Variants in NINL observed in about 807,000 individuals in gnomAD.
NINL encodes the protein ninein like, also known as ninein-like protein.
A neutral mutation model predicts 160.3 loss-of-function variants in NINL; 153 were observed. The observed-to-expected ratio is 0.95, with a 90% CI of 0.84 to 1.09. The LOEUF (loss-of-function observed/expected upper bound fraction) is 1.09, where lower values mean the gene tolerates loss of function less well. Ranked by LOEUF, NINL falls within the 50% of genes least tolerant of loss-of-function variation. The pLI is 0.00. For missense variants in NINL, 1,829 were observed against 1,764.0 expected, an observed-to-expected ratio of 1.04 and a Z score of -0.66; for synonymous variants, 800 against 734.8, an observed-to-expected ratio of 1.09 and a Z score of -1.43.
chr20:25,533,518 GA>G (rs2064503452), intron 1 of NINL, among the ~76,000 whole-genome samples: 1 of 151,888 alleles, frequency 6.6e-6, no homozygotes, highest in South Asian at 2.1e-4. Context: ...AAATGAGAGA[GA>G]AAAAAAGGGA....
intron 17 of NINL, among the ~76,000 whole-genome samples, chr20:25,473,152 A>T (rs2063145584): frequency 6.6e-6 from 1 of 152,194 alleles, no homozygotes; most frequent in South Asian, 2.1e-4. Context: ...GTACAAAAAC[A>T]AGCAAACTGA....
intron 1 of NINL, among the ~76,000 whole-genome samples, chr20:25,568,310 G>A (rs1403296034): frequency 6.6e-6 from 1 of 151,098 alleles, no homozygotes; most frequent in Admixed American, 6.6e-5. Context: ...GGCATAATAG[G>A]ATAATAAACT....
chr20:25,517,773 T>C lies in NINL; in HGVS notation c.257A>G (p.Asp86Gly). 2 of 1,603,326 alleles carry C rather than the reference T, an allele frequency of 1.2e-6. No individual in the cohort carries two copies. The highest frequency in any genetic ancestry group is 1.7e-6 in the Non-Finnish European group (2 of 1,177,156). Residue 86 changes from aspartate (D) to glycine (G), a missense_variant, in exon 3 of 24, where the codon GAC (aspartate) becomes GGC (glycine). Coordinates refer to ENST00000278886, the MANE Select transcript of NINL (RefSeq NM_025176.6). ...CTTACCTGATTCCAAAGAACTACTG[T>C]CTTCATCTGAGGGGCGAACACCAGC... ...SNAGVRPSDE[D>G]SSSLESAASS...
chr20:25,467,302 A>T, intron 19 of NINL, 87 bp downstream of exon 19: 1 of 1,162,618 alleles, frequency 8.6e-7, no homozygotes, highest in Non-Finnish European at 1.3e-6. Flanking sequence ...AATATTCTCT[A>T]CTTCCTTTTG....
At chr20:25,561,356 T>A (rs1243515111) in intron 1 of NINL, among the ~76,000 whole-genome samples, 1 of 152,166 alleles carries the variant, frequency 6.6e-6, no homozygotes, top group African/African-American at 2.4e-5. Flanking sequence ...GTGCCCAGGC[T>A]GGAGTGCAGT....
At position 25,458,399 on chromosome 20, in the gene NINL, C is replaced by T. The variant is rs143288551; in HGVS notation, c.3827G>A (p.Arg1276His). 1.2e-5 allele frequency: 20 copies of T among 1,606,494 alleles called. No homozygotes were observed. Among genetic ancestry groups the T allele is most frequent in the South Asian group, 8.8e-5 (8 of 91,008 alleles). Residue 1276 changes from arginine to histidine, a missense_variant, in exon 22 of 24, where the codon CGC becomes CAC. Coordinates refer to ENST00000278886, the MANE Select transcript of NINL (RefSeq NM_025176.6). The stretch of plus-strand genomic sequence containing the variant: ...CCCACTTACCCGCTGTGCATCCAGG[C>T]GCCTCCTGGCCTGCTCTCCCTGAAG... ...LSLQGEQARR[R>H]LDAQREEHEK...
chr20:25,476,024 G>C lies in NINL; in HGVS notation c.3248+19C>G, dbSNP rs1601060464. On this transcript the variant is annotated intron_variant, in intron 17 of 23. Transcript: ENST00000278886. ...TTTAGTTTGAAGTGTTTAGTTTTAA[G>C]AATGAGTAGAAGGCAAACCTGTCGT... The C allele has an allele frequency of 6.2e-7, 1 of 1,604,346 alleles. No individual in the cohort carries two copies. Among genetic ancestry groups the C allele is most frequent in the East Asian group, 2.2e-5 (1 of 44,830 alleles).
chr20:25,455,608 C>A, intron 23 of NINL, 65 bp downstream of exon 23: 1 of 1,166,174 alleles, frequency 8.6e-7, no homozygotes, highest in South Asian at 1.3e-5. Flanking sequence ...TACCTGCACA[C>A]CCATAAAAGT....
intron 11 of NINL, among the ~76,000 whole-genome samples, chr20:25,490,918 G>C (rs1203611273): frequency 5.3e-5 from 8 of 151,288 alleles, no homozygotes; most frequent in Non-Finnish European, 1.0e-4. Flanking sequence ...TCAGTATCAG[G>C]GGACAGTTGT....
chr20:25,551,125 A>T (rs544714594), intron 1 of NINL, among the ~76,000 whole-genome samples: 1 of 152,332 alleles, frequency 6.6e-6, no homozygotes, highest in East Asian at 1.9e-4. Context: ...TTTTTAACAA[A>T]GCACATCTTG....
chr20:25,570,365 T>C (rs1052486902), intron 1 of NINL, among the ~76,000 whole-genome samples: 2 of 152,088 alleles, frequency 1.3e-5, no homozygotes, highest in African/African-American at 4.8e-5. Flanking sequence ...CTTGGTGCTG[T>C]TGTCAGGATA....
chr20:25,453,456 C>T lies in NINL; in HGVS notation c.4144G>A (p.Val1382Met). The T allele has an allele frequency of 6.2e-7, 1 of 1,605,848 alleles. No homozygotes were observed. Among genetic ancestry groups the T allele is most frequent in the Non-Finnish European group, 8.5e-7 (1 of 1,176,238 alleles). Reference sequence around the variant, plus strand: ...TCCTAGAAAATAATCTGTCTTTACACAGAGAGGGCTGCGGGGGCAATCCTA... The same window carrying T: ...TCCTAGAAAATAATCTGTCTTTACATAGAGAGGGCTGCGGGGGCAATCCTA... Reference protein sequence around the residue: ...VSRIAPAALSV With the variant: ...VSRIAPAALSM The change falls in exon 24 of 24, where the codon GTG becomes ATG. Residue 1382 changes from valine (V) to methionine (M), a missense_variant. Val to Met is a conservative substitution (Grantham distance 21, BLOSUM62 1). Coordinates refer to ENST00000278886, the MANE Select transcript of NINL (RefSeq NM_025176.6).
chr20:25,466,415 C>T (rs2062913650), intron 19 of NINL, among the ~76,000 whole-genome samples: 1 of 152,152 alleles, frequency 6.6e-6, no homozygotes, highest in African/African-American at 2.4e-5. Flanking sequence ...GGTGGCAATG[C>T]GGATAACAGT....
intron 1 of NINL, among the ~76,000 whole-genome samples, chr20:25,535,539 T>C (rs2064541614): frequency 6.6e-6 from 1 of 152,176 alleles, no homozygotes; most frequent in Non-Finnish European, 1.5e-5. Flanking sequence ...TTGTCAATTA[T>C]ACCTTCATAA....
chr20:25,518,754 C>G (rs922176583), intron 2 of NINL, among the ~76,000 whole-genome samples: 1 of 152,058 alleles, frequency 6.6e-6, no homozygotes, highest in Admixed American at 6.5e-5. Context: ...TCCCCTCCCC[C>G]ACCCTGCTTT....
At chr20:25,513,430 A>C (rs1347580169) in intron 3 of NINL, among the ~76,000 whole-genome samples, 7 of 152,254 alleles carry the variant, frequency 4.6e-5, no homozygotes, top group Admixed American at 4.6e-4. Flanking sequence ...CATTCCAGGC[A>C]GCTGACAATA....
chr20:25,470,057 A>C lies in NINL; in HGVS notation c.3287T>G (p.Leu1096Trp), dbSNP rs781608281. 1.9e-5 allele frequency: 30 copies of C among 1,613,988 alleles called. No homozygotes were observed. The highest frequency in any genetic ancestry group is 2.5e-5 in the Non-Finnish European group (29 of 1,180,022). ...CCGAACCCTTCCCAGATCGTTTTTC[A>C]ACAAAGTGTTTTCTTCAGAAAGTCT... is the stretch of plus-strand genomic sequence containing the variant. The part of the protein sequence containing the change: ...FHRLSEENTL[L>W]KNDLGRVRQE... Residue 1096 changes from leucine to tryptophan, a missense_variant, in exon 18 of 24, where the codon TTG (leucine) becomes TGG (tryptophan). Physicochemically the swap from Leu to Trp is moderately conservative, Grantham distance 61 (BLOSUM62 -2). Coordinates refer to ENST00000278886, the MANE Select transcript of NINL (RefSeq NM_025176.6).
At chr20:25,531,235 T>C (rs1270487290) in intron 1 of NINL, among the ~76,000 whole-genome samples, 1 of 152,224 alleles carries the variant, frequency 6.6e-6, no homozygotes, top group African/African-American at 2.4e-5. Flanking sequence ...CCCTGAACAT[T>C]GCTGTTATCC....
intron 10 of NINL, among the ~76,000 whole-genome samples, chr20:25,493,187 A>C: frequency 6.6e-6 from 1 of 152,170 alleles, no homozygotes; most frequent in Admixed American, 6.5e-5. Flanking sequence ...CAGTTACTCA[A>C]ACTGAGTATG....
Sources: gnomAD v4.1 joint callset for allele counts (sites outside exome capture counted in the v4.1 genomes callset) on GRCh38, gnomAD v4.1.1 for gene constraint, MANE v1.5 for transcripts, NCBI Gene and HGNC (gene_info 2026-07-23, HGNC 2026-07-21) for gene names.